Variants in UNC5D observed in about 807,000 individuals in gnomAD.
UNC5D encodes unc-5 netrin receptor D.
Under a neutral mutation model 105.4 loss-of-function variants are expected in UNC5D, and 39 were observed. That is an observed-to-expected ratio of 0.37 (90% CI 0.29 to 0.48). The LOEUF (loss-of-function observed/expected upper bound fraction) is 0.48, where lower values mean the gene tolerates loss of function less well. UNC5D is among the 20% of genes least tolerant of loss of function. UNC5D has a pLI of 0.98. For synonymous variants in UNC5D, 452 were observed against 450.4 expected, an observed-to-expected ratio of 1.00 and a Z score of -0.04; for missense variants, 991 against 1,202.4, an observed-to-expected ratio of 0.82 and a Z score of 2.60.
chr8:35,247,516 C>CTA (rs1390418858), intron 1 of UNC5D, among the ~76,000 whole-genome samples: 1 of 125,772 alleles, frequency 8.0e-6, no homozygotes, highest in African/African-American at 3.1e-5. Flanking sequence ...TAACTTCTCT[C>CTA]TCTCTCTATA....
At chr8:35,263,243 C>T (rs1448806690) in intron 1 of UNC5D, among the ~76,000 whole-genome samples, 1 of 152,222 alleles carries the variant, frequency 6.6e-6, no homozygotes, top group Non-Finnish European at 1.5e-5. Flanking sequence ...GAATGAATCA[C>T]TACCCTCTGA....
intron 2 of UNC5D, among the ~76,000 whole-genome samples, chr8:35,566,464 T>C (rs1036950055): frequency 4.6e-5 from 7 of 152,172 alleles, no homozygotes; most frequent in African/African-American, 1.7e-4. Context: ...CATAGTTAGG[T>C]ACTTAATTTA....
chr8:35,277,622 T>C (rs1805862827), intron 1 of UNC5D, among the ~76,000 whole-genome samples: 1 of 152,358 alleles, frequency 6.6e-6, no homozygotes, highest in African/African-American at 2.4e-5. Flanking sequence ...CTCACGGCCC[T>C]CATTGTTGTC....
chr8:35,692,002 G>T (rs558162235), intron 7 of UNC5D, among the ~76,000 whole-genome samples: 1 of 152,096 alleles, frequency 6.6e-6, no homozygotes, highest in Non-Finnish European at 1.5e-5. Context: ...TGCCACAGGG[G>T]CCTGAAAGAG....
At chr8:35,780,584 A>G (rs947935253) in intron 16 of UNC5D, among the ~76,000 whole-genome samples, 1 of 152,026 alleles carries the variant, frequency 6.6e-6, no homozygotes, top group African/African-American at 2.4e-5. Flanking sequence ...AAGGGAGGGG[A>G]AAAAAAAGAG....
intron 1 of UNC5D, among the ~76,000 whole-genome samples, chr8:35,270,199 G>T (rs558253323): frequency 7.7e-4 from 117 of 152,252 alleles, no homozygotes; most frequent in African/African-American, 2.8e-3. Context: ...TGTACTGTTT[G>T]TGTTTCATTT....
intron 1 of UNC5D, among the ~76,000 whole-genome samples, chr8:35,303,359 TG>T (rs1321657710): frequency 6.6e-6 from 1 of 152,166 alleles, no homozygotes; most frequent in Non-Finnish European, 1.5e-5. Context: ...CAGAATAAAA[TG>T]TATAATTCAG....
intron 11 of UNC5D, among the ~76,000 whole-genome samples, chr8:35,734,335 CAAA>C (rs10657691): frequency 0.083 from 2,297 of 27,810 alleles, 28 homozygotes; most frequent in East Asian, 0.21. Context: ...TAATCACTGT[CAAA>C]AAAAAAAAAA....
At chr8:35,371,969 C>T (rs1458977175) in intron 1 of UNC5D, among the ~76,000 whole-genome samples, 2 of 152,176 alleles carry the variant, frequency 1.3e-5, no homozygotes, top group Non-Finnish European at 2.9e-5. Context: ...ATCATCACGA[C>T]ATGGCGGCAT....
chr8:35,677,520 C>T (rs189480935), intron 4 of UNC5D, among the ~76,000 whole-genome samples: 2 of 152,172 alleles, frequency 1.3e-5, no homozygotes, highest in East Asian at 3.9e-4. Flanking sequence ...GGGCACTTAG[C>T]TCATCAAAAA....
intron 3 of UNC5D, among the ~76,000 whole-genome samples, chr8:35,593,091 A>G (rs1819278202): frequency 6.6e-6 from 1 of 151,718 alleles, no homozygotes; most frequent in South Asian, 2.1e-4. Context: ...ACACACAAAT[A>G]TGTAAATTAT....
At chr8:35,567,202 G>A (rs2130781215) in intron 2 of UNC5D, among the ~76,000 whole-genome samples, 1 of 152,116 alleles carries the variant, frequency 6.6e-6, no homozygotes, top group South Asian at 2.1e-4. Flanking sequence ...TGCTATGGGG[G>A]CCTCCCTGGG....
At chr8:35,761,773 A>G (rs1801544544) in intron 14 of UNC5D, among the ~76,000 whole-genome samples, 1 of 151,916 alleles carries the variant, frequency 6.6e-6, no homozygotes, top group Admixed American at 6.6e-5. Context: ...GAAATCCCTC[A>G]GCTTGTGTGA....
At chr8:35,758,866 T>C (rs1207149332) in intron 13 of UNC5D, among the ~76,000 whole-genome samples, 2 of 152,184 alleles carry the variant, frequency 1.3e-5, no homozygotes, top group East Asian at 1.9e-4. Flanking sequence ...AAATATCATA[T>C]AGTGCCTGCA....
rs539471379 is a variant in UNC5D, at chr8:35,790,520, T to G, written c.2819T>G (p.Leu940Arg). ...TKLSNISESQ[L>R]DEADFNYSRQ... ...CTCTCAAACATTTCAGAATCCCAGC[T>G]TGATGAAGCCGACTTCAACTACAGC... Residue 940 changes from leucine (L) to arginine (R), a missense_variant, in exon 17 of 17, where the codon CTT (leucine) becomes CGT (arginine). Leu to Arg is a moderately radical substitution (Grantham distance 102). Transcript: ENST00000404895. 4 of 1,613,858 alleles carry G rather than the reference T, an allele frequency of 2.5e-6. No individual in the cohort carries two copies. The East Asian group carries it at 8.9e-5, about 36-fold the overall frequency.
intron 1 of UNC5D, among the ~76,000 whole-genome samples, chr8:35,383,978 G>C (rs1803209216): frequency 6.6e-6 from 1 of 151,998 alleles, no homozygotes; most frequent in South Asian, 2.1e-4. Context: ...GCACTTTGGG[G>C]GCCCAGGTGG....
rs1828727509 is a variant in UNC5D, at chr8:35,724,047, G to C, written c.1303+1652G>C. On this transcript the variant is annotated intron_variant, in intron 9 of 16. Coordinates refer to ENST00000404895, the MANE Select transcript of UNC5D (RefSeq NM_080872.4). ...GCGAATAGAGTTCTAGACGCTGGTT[G>C]CTTCCTCTTACCCTAGTACAGGATG... The C allele has an allele frequency of 7.4e-6, 8 of 1,084,724 alleles. No homozygotes were observed. The Admixed American group carries it at 2.3e-4, about 31-fold the overall frequency. 67.2% of individuals were successfully genotyped at this position (1,084,724 alleles called of 1,614,324 possible). A position where few individuals can be genotyped will look rare whatever the true frequency, so the allele number is the denominator to read the frequency against.
intron 1 of UNC5D, among the ~76,000 whole-genome samples, chr8:35,271,243 A>G (rs1220713506): frequency 8.1e-5 from 12 of 147,488 alleles, no homozygotes; most frequent in African/African-American, 2.9e-4. Flanking sequence ...ATATAGGTAT[A>G]CCTATATGTA....
At chr8:35,753,428 C>T (rs1431001013) in intron 13 of UNC5D, among the ~76,000 whole-genome samples, 1 of 152,066 alleles carries the variant, frequency 6.6e-6, no homozygotes, top group African/African-American at 2.4e-5. Context: ...GCCACCATGC[C>T]TGGCTAATTT....
Sources: gnomAD v4.1 joint callset for allele counts (sites outside exome capture counted in the v4.1 genomes callset) on GRCh38, gnomAD v4.1.1 for gene constraint, MANE v1.5 for transcripts, NCBI Gene and HGNC (gene_info 2026-07-23, HGNC 2026-07-21) for gene names.